The following XYLT2 variants were observed in gnomAD, a reference collection of about 807,000 sequenced individuals.
The protein encoded by XYLT2 is xylosyltransferase 2, also known as UDP-D-xylose:proteoglycan core protein beta-D-xylosyltransferase.
In XYLT2, 37 loss-of-function variants were observed where a neutral mutation model predicts 82.6. The observed-to-expected ratio is 0.45, with a 90% CI of 0.34 to 0.59. The LOEUF is 0.59. Among genes scored for constraint, XYLT2 ranks in the 20% least tolerant of loss-of-function variants. The pLI, the probability that XYLT2 is intolerant of heterozygous loss-of-function variation, is 0.01. For missense variants in XYLT2, 934 were observed against 1,181.3 expected, an observed-to-expected ratio of 0.79 and a Z score of 3.07; for synonymous variants, 474 against 499.0, an observed-to-expected ratio of 0.95 and a Z score of 0.67.
intron 8 of XYLT2, 26 bp downstream of exon 8, chr17:50,356,799 A>C (rs1489253462): frequency 1.3e-6 from 2 of 1,589,146 alleles, no homozygotes; most frequent in African/African-American, 2.7e-5. Context: ...GACATACAGC[A>C]GGCCCTTGGG....
At position 50,360,558 on chromosome 17, in the gene XYLT2, ATTTC is replaced by A. The variant is rs753759831; in HGVS notation, c.*271_*274del. On this transcript the variant is annotated 3_prime_UTR_variant, in exon 11 of 11. Coordinates refer to ENST00000017003, the MANE Select transcript of XYLT2 (RefSeq NM_022167.4). Reference sequence around the variant, plus strand: ...TTCCTCACCTTCCTGTCTAGTTTGAATTTCTTTTTTTTCTTTTTTTTTTTTTTTT... The same window carrying A: ...TTCCTCACCTTCCTGTCTAGTTTGAATTTTTTTTCTTTTTTTTTTTTTTTT... 10,418 of 1,175,310 alleles carry A rather than the reference ATTTC, an allele frequency of 8.9e-3. 19 individuals carry two copies. Among genetic ancestry groups the A allele is most frequent in the Non-Finnish European group, 0.01 (9,694 of 955,154 alleles). 72.8% of individuals were successfully genotyped at this position (1,175,310 alleles called of 1,614,324 possible).
At position 50,348,854 on chromosome 17, in the gene XYLT2, C is replaced by T. The variant is rs111783554; in HGVS notation, c.135+2579C>T. On this transcript the variant is annotated intron_variant, in intron 1 of 10. Coordinates refer to ENST00000017003, the MANE Select transcript of XYLT2 (RefSeq NM_022167.4). ...CAGAAGTCAGAGGACCATTCCCTACCCTCAGTCATCAGAAGGGCTCCTGAC... is the reference window on the plus strand; with the variant it reads ...CAGAAGTCAGAGGACCATTCCCTACTCTCAGTCATCAGAAGGGCTCCTGAC... Among the ~76,000 whole-genome samples the T allele has an allele frequency of 4.2e-3, 644 of 152,314 alleles. 7 individuals carry two copies. The highest frequency in any genetic ancestry group is 0.015 in the African/African-American group (603 of 41,560).
In XYLT2 at chr17:50,355,841, C is replaced by T. The variant is rs778644146; in HGVS notation, c.1149C>T (p.Arg383=). The T allele has an allele frequency of 3.7e-6, 6 of 1,614,130 alleles. No homozygotes were observed. The African/African-American group carries it at 8.0e-5, about 22-fold the overall frequency. ...LFHECDSHMW[R]LGERQIPAGI... ...ATGAGTGCGACTCACACATGTGGCG[C>T]CTGGGCGAGCGGCAGATCCCAGCAG... The change falls in exon 6 of 11, where the codon CGC becomes CGT. Residue 383 remains arginine, a synonymous_variant. Transcript: ENST00000017003.
Position 50,346,599 on chromosome 17 carries a change from G to T in XYLT2, c.135+324G>T. 1.0e-6 allele frequency: 1 copy of T among 984,854 alleles called. No individual in the cohort carries two copies. Among genetic ancestry groups the T allele is most frequent in the South Asian group, 4.7e-5 (1 of 21,284 alleles). The allele number at this position is 984,854 out of a possible 1,614,324, so 61.0% of individuals were successfully genotyped here. On this transcript the variant is annotated intron_variant, in intron 1 of 10. Coordinates refer to ENST00000017003, the MANE Select transcript of XYLT2 (RefSeq NM_022167.4). This position sits in a 1 kb window ranked among gnomAD's most constrained non-coding sequence, Gnocchi z 5.1. ...GGCGCGGCGAGCGGGGCTGGGAGGC[G>T]GGGCTGGGCCCGAACCTGCTCGGAG...
At position 50,354,360 on chromosome 17, in the gene XYLT2, CCCTGTGA is replaced by C. The variant is rs752115872; in HGVS notation, c.629-44_629-38del. On this transcript the variant is annotated intron_variant, in intron 2 of 10. Coordinates refer to ENST00000017003, the MANE Select transcript of XYLT2 (RefSeq NM_022167.4). The stretch of plus-strand genomic sequence containing the variant: ...GCTCCCTCTTCCCATCTCACCCCCA[CCCTGTGA>C]CCTAGGGTGGGCCTCGCCAACGCCT... 11 of 1,552,776 alleles carry C rather than the reference CCCTGTGA, an allele frequency of 7.1e-6. No homozygotes were observed. In the South Asian group the frequency reaches 1.2e-4, roughly 17 times the overall value.
chr17:50,350,789 C>G (rs993591762), intron 1 of XYLT2, among the ~76,000 whole-genome samples: 1 of 148,282 alleles, frequency 6.7e-6, no homozygotes, highest in Non-Finnish European at 1.5e-5. Context: ...ACTGTAAATC[C>G]AGTGGTCTGG....
intron 1 of XYLT2, among the ~76,000 whole-genome samples, chr17:50,352,792 C>G (rs975472361): frequency 2.6e-5 from 4 of 152,202 alleles, no homozygotes; most frequent in African/African-American, 4.8e-5. Context: ...GCTGTGGGCA[C>G]CTTCAGGCCC....
rs2143224758 is a variant in XYLT2, at chr17:50,355,943, C to T, written c.1251C>T (p.Asp417=). The part of the protein sequence containing the change: ...SFVEYVVYTD[D]PLVAQLRQFY... Reference sequence around the variant, plus strand: ...TGGAGTATGTGGTGTACACAGATGACCCGCTTGTGGCCCAGCTGCGCCAGT... The same window carrying T: ...TGGAGTATGTGGTGTACACAGATGATCCGCTTGTGGCCCAGCTGCGCCAGT... The change falls in exon 6 of 11, where the codon GAC becomes GAT. Residue 417 remains aspartate, a synonymous_variant. Coordinates refer to ENST00000017003, the MANE Select transcript of XYLT2 (RefSeq NM_022167.4). 1.9e-6 allele frequency: 3 copies of T among 1,614,168 alleles called. No homozygotes were observed. The highest frequency in any genetic ancestry group is 2.5e-6 in the Non-Finnish European group (3 of 1,180,032).
Position 50,353,835 on chromosome 17 carries a change from C to T in XYLT2, c.341C>T (p.Pro114Leu), listed in dbSNP as rs754863487. Residue 114 changes from proline (P) to leucine (L), a missense_variant, in exon 2 of 11, where the codon CCC becomes CTC. Coordinates refer to ENST00000017003, the MANE Select transcript of XYLT2 (RefSeq NM_022167.4). ...AGCCGGCGGGTCCCACCTGCCCCAC[C>T]CCCGGAAGCCCCAGGCCGCCAGAAC... is the stretch of plus-strand genomic sequence containing the variant. ...RASRRVPPAPPPEAPGRQNLS... is the reference protein window; with the variant it reads ...RASRRVPPAPLPEAPGRQNLS... 8 of 1,593,904 alleles carry T rather than the reference C, an allele frequency of 5.0e-6. No individual in the cohort carries two copies. Among genetic ancestry groups the T allele is most frequent in the Admixed American group, 3.5e-5 (2 of 56,814 alleles).
rs1466202991 is a variant in XYLT2 at position 50,360,577 on chromosome 17, T to TC, written c.*286_*287insC. 18 of 929,066 alleles carry TC rather than the reference T, an allele frequency of 1.9e-5. No homozygotes were observed. The highest frequency in any genetic ancestry group is 1.4e-4 in the Admixed American group (2 of 14,486). 57.6% of individuals were successfully genotyped at this position (929,066 alleles called of 1,614,324 possible). A position where few individuals can be genotyped will look rare whatever the true frequency, so the allele number is the denominator to read the frequency against. On this transcript the variant is annotated 3_prime_UTR_variant, in exon 11 of 11. Transcript: ENST00000017003. The stretch of plus-strand genomic sequence containing the variant: ...GTTTGAATTTCTTTTTTTTCTTTTT[T>TC]TTTTTTTTTTTTTAATTTAAAAAGG...
chr17:50,350,520 TTG>T (rs879668460), intron 1 of XYLT2, among the ~76,000 whole-genome samples: 39,764 of 132,368 alleles, frequency 0.3, 9,285 homozygotes, highest in East Asian at 0.76. Flanking sequence ...TGAGCCGAGA[TTG>T]CACCACTGCA....
intron 10 of XYLT2, chr17:50,359,129 C>T (rs1912686668): frequency 6.5e-6 from 1 of 153,094 alleles, no homozygotes; most frequent in South Asian, 2.1e-4. Flanking sequence ...CCAGGTTTCA[C>T]ATTCTTGGGA....
At position 50,355,835 on chromosome 17, in the gene XYLT2, G is replaced by A. The variant is rs770580084; in HGVS notation, c.1143G>A (p.Met381Ile). 1.9e-6 allele frequency: 3 copies of A among 1,614,254 alleles called. No individual in the cohort carries two copies. Among genetic ancestry groups the A allele is most frequent in the Non-Finnish European group, 2.5e-6 (3 of 1,180,044 alleles). The change falls in exon 6 of 11, where the codon ATG (methionine) becomes ATA (isoleucine). Residue 381 changes from methionine (M) to isoleucine (I), a missense_variant. By Grantham distance (10) the Met-to-Ile change is conservative. Around this residue, in one of 3 missense-constraint regions of XYLT2, gnomAD observed 189 missense variants for 320.8 expected, o/e 0.59. Coordinates refer to ENST00000017003, the MANE Select transcript of XYLT2 (RefSeq NM_022167.4). Reference sequence around the variant, plus strand: ...TCTTCCATGAGTGCGACTCACACATGTGGCGCCTGGGCGAGCGGCAGATCC... The same window carrying A: ...TCTTCCATGAGTGCGACTCACACATATGGCGCCTGGGCGAGCGGCAGATCC... Reference protein sequence around the residue: ...DRLFHECDSHMWRLGERQIPA... With the variant: ...DRLFHECDSHIWRLGERQIPA...
rs775255280 is a variant in XYLT2 at position 50,357,161 on chromosome 17, C to T, written c.1850C>T (p.Pro617Leu). Reference sequence around the variant, plus strand: ...GCGGTGCAGCCCTCAGCCCAGGGGCCGGCAGAGACGCTTGAGATGTGGCTG... The same window carrying T: ...GCGGTGCAGCCCTCAGCCCAGGGGCTGGCAGAGACGCTTGAGATGTGGCTG... ...TQAVQPSAQG[P>L]AETLEMWLMP... Residue 617 changes from proline to leucine, a missense_variant, in exon 9 of 11, where the codon CCG (proline) becomes CTG (leucine). This residue lies in a region of XYLT2 where 374 missense variants were observed against 465.6 expected (regional missense o/e 0.80). Transcript: ENST00000017003. The T allele has an allele frequency of 6.8e-6, 11 of 1,613,188 alleles. No homozygotes were observed. Among genetic ancestry groups the T allele is most frequent in the Middle Eastern group, 1.7e-4 (1 of 6,048 alleles).
chr17:50,357,284 A>C (rs1912584802), intron 9 of XYLT2, 32 bp downstream of exon 9: 1 of 1,521,444 alleles, frequency 6.6e-7, no homozygotes, highest in Admixed American at 2.1e-5. Flanking sequence ...CTTTCTCCCA[A>C]CCCCCACCCA....
rs755887838 is a variant in XYLT2 at position 50,355,773 on chromosome 17, G to A, written c.1089-8G>A. 6.2e-7 allele frequency: 1 copy of A among 1,613,960 alleles called. No individual in the cohort carries two copies. The highest frequency in any genetic ancestry group is 8.5e-7 in the Non-Finnish European group (1 of 1,179,958). On this transcript the variant is annotated splice_polypyrimidine_tract_variant and splice_region_variant and intron_variant, in intron 5 of 10. Coordinates refer to ENST00000017003, the MANE Select transcript of XYLT2 (RefSeq NM_022167.4). ...GATCCCCAGCCATGGCCTCTCTGCT[G>A]CCCACAGGTTCATCAAGAAACAGGG...
rs755220322 is a variant in XYLT2, at chr17:50,359,922, G to A, written c.2276-47G>A. 3.8e-5 allele frequency: 56 copies of A among 1,491,010 alleles called. No individual in the cohort carries two copies. In the South Asian group the frequency reaches 4.6e-4, roughly 12 times the overall value. 92.4% of individuals were successfully genotyped at this position (1,491,010 alleles called of 1,614,324 possible). ...CCCAACTCCTGGGTCTGGCCTCCAC[G>A]GAGTCTGTTGCAGGGGGTGTGCTTA... On this transcript the variant is annotated intron_variant, in intron 10 of 10. Coordinates refer to ENST00000017003, the MANE Select transcript of XYLT2 (RefSeq NM_022167.4).
rs1368837959 is a variant in XYLT2 at position 50,353,708 on chromosome 17, G to A, written c.214G>A (p.Gly72Ser). The change falls in exon 2 of 11, where the codon GGC becomes AGC. Residue 72 changes from glycine (G) to serine (S), a missense_variant. Physicochemically the swap from Gly to Ser is moderately conservative, Grantham distance 56 (BLOSUM62 0). This residue lies in a region of XYLT2 where 371 missense variants were observed against 394.9 expected (regional missense o/e 0.94). Coordinates refer to ENST00000017003, the MANE Select transcript of XYLT2 (RefSeq NM_022167.4). ...CACAGACAGTTCAGCAGGGCGACGG[G>A]GCAGCACAGGCAGAAGGCATGGGCG... The part of the protein sequence containing the change: ...KDTDSSAGRR[G>S]STGRRHGRWR... 4 of 1,560,842 alleles carry A rather than the reference G, an allele frequency of 2.6e-6. No homozygotes were observed. The highest frequency in any genetic ancestry group is 1.4e-5 in the African/African-American group (1 of 73,790).
intron 1 of XYLT2, 98 bp from the exon 2 acceptor site, chr17:50,353,532 A>G (rs1440981733): frequency 6.1e-6 from 9 of 1,484,710 alleles, no homozygotes; most frequent in Non-Finnish European, 8.1e-6. Context: ...GGTGGGCAGG[A>G]ACATCTAGGT....
Sources: allele counts gnomAD v4.1 joint callset (sites outside exome capture counted in the v4.1 genomes callset), GRCh38; gene constraint gnomAD v4.1.1; regional missense constraint gnomAD v4.1.1; non-coding constraint Gnocchi (gnomAD v3.1); transcripts MANE v1.5; gene names NCBI Gene and HGNC (gene_info 2026-07-23, HGNC 2026-07-21).